ANKFN1: variants seen among roughly 807,000 people sequenced by gnomAD.
ANKFN1 encodes the protein ankyrin repeat and fibronectin type-III domain-containing protein 1.
Under a neutral mutation model 108.7 loss-of-function variants are expected in ANKFN1, and 74 were observed. The ratio of observed to expected loss-of-function variants is 0.68; its 90% CI spans 0.56 to 0.83. The LOEUF (loss-of-function observed/expected upper bound fraction) is 0.83, where lower values mean the gene tolerates loss of function less well. ANKFN1 is among the 40% of genes least tolerant of loss of function. The pLI is 0.00. For missense variants in ANKFN1, 1,505 were observed against 1,382.3 expected (o/e 1.09, Z -1.41); for synonymous variants, 547 against 516.2 (o/e 1.06, Z -0.81).
intron 16 of ANKFN1, among the ~76,000 whole-genome samples, chr17:56,480,168 T>C (rs562385942): frequency 6.6e-6 from 1 of 152,338 alleles, no homozygotes; most frequent in South Asian, 2.1e-4. Context: ...TTTGTGATTC[T>C]CCTCAAGCTT....
rs538155358 is a variant in ANKFN1 at position 56,146,615 on chromosome 17, C to T, written c.289-81302C>T. On this transcript the variant is annotated intron_variant, in intron 4 of 12. Coordinates refer to the ANKFN1 transcript ENST00000635860. ...GGGTTTGCACCCCCTGAAGCAATGG[C>T]CTGAGCTGTGCATTGGCCCCTTTTA... 7.7e-4 allele frequency among the ~76,000 whole-genome samples: 118 copies of T among 152,320 alleles called. No homozygotes were observed. In the South Asian group the frequency reaches 0.023, roughly 30 times the overall value.
At chr17:56,467,057 A>G (rs1211556884) in intron 15 of ANKFN1, among the ~76,000 whole-genome samples, 2 of 152,152 alleles carry the variant, frequency 1.3e-5, no homozygotes, top group Non-Finnish European at 2.9e-5. Flanking sequence ...GGCGGGTTGC[A>G]GTGAGCCAAG....
intron 8 of ANKFN1, among the ~76,000 whole-genome samples, chr17:56,432,969 C>A (rs962082848): frequency 7.9e-5 from 12 of 152,034 alleles, no homozygotes; most frequent in Non-Finnish European, 1.5e-4. Flanking sequence ...TGCTTAACAA[C>A]TGATACCCTG....
At chr17:56,458,903 C>G (rs1251918025) in intron 14 of ANKFN1, among the ~76,000 whole-genome samples, 2 of 152,182 alleles carry the variant, frequency 1.3e-5, no homozygotes, top group Non-Finnish European at 2.9e-5. Context: ...CTTTGCCCCC[C>G]ACCTACAATT....
At chr17:56,227,832 A>G in intron 2 of ANKFN1, 85 bp from the exon 3 acceptor site, 2 of 1,027,190 alleles carry the variant, frequency 1.9e-6, no homozygotes, top group South Asian at 1.5e-5. Flanking sequence ...TTTTTCAATC[A>G]GTGGCTTCAA....
In ANKFN1 at chr17:56,122,177, G is replaced by A. The variant is rs1906663743; in HGVS notation, c.288+75852G>A. Among the ~76,000 whole-genome samples the A allele has an allele frequency of 2.0e-5, 3 of 152,284 alleles. No individual in the cohort carries two copies. The South Asian group carries it at 6.2e-4, about 32-fold the overall frequency. ...TCAGAAATACTACCAACAGGAGGAAGATATAGGGAGATATATTCTCAGTAA... is the reference window on the plus strand; with the variant it reads ...TCAGAAATACTACCAACAGGAGGAAAATATAGGGAGATATATTCTCAGTAA... On this transcript the variant is annotated intron_variant, in intron 4 of 12. Transcript: ENST00000635860.
intron 6 of ANKFN1, among the ~76,000 whole-genome samples, chr17:56,370,874 C>T (rs2046791136): frequency 6.6e-6 from 1 of 152,060 alleles, no homozygotes; most frequent in South Asian, 2.1e-4. Flanking sequence ...TCTCACTGCT[C>T]CAGGAAATTG....
chr17:56,269,538 C>T (rs1342050968), intron 3 of ANKFN1, among the ~76,000 whole-genome samples: 1 of 152,220 alleles, frequency 6.6e-6, no homozygotes, highest in Non-Finnish European at 1.5e-5. Flanking sequence ...CTCTCAACTA[C>T]ATGAGGCTTG....
rs1025551291 is a variant in ANKFN1, at chr17:56,516,865, C to G, written c.*5596C>G. On this transcript the variant is annotated 3_prime_UTR_variant, in exon 21 of 21. Transcript: ENST00000682825. The stretch of plus-strand genomic sequence containing the variant: ...AGCATTAATTATACTTTATGTCTTA[C>G]CTAATATTGTTGATATCTAAGTCAA... 1.1e-4 allele frequency among the ~76,000 whole-genome samples: 16 copies of G among 152,042 alleles called. No individual in the cohort carries two copies. Among genetic ancestry groups the G allele is most frequent in the Non-Finnish European group, 1.0e-4 (7 of 68,006 alleles).
At chr17:56,145,399 A>C (rs903162057) in intron 4 of ANKFN1, among the ~76,000 whole-genome samples, 33 of 152,198 alleles carry the variant, frequency 2.2e-4, no homozygotes, top group African/African-American at 7.5e-4. Flanking sequence ...AAGAGGGTTA[A>C]TTGACTCACA....
At chr17:56,110,098 GTTA>G (rs1473373431) in intron 4 of ANKFN1, among the ~76,000 whole-genome samples, 2 of 152,188 alleles carry the variant, frequency 1.3e-5, no homozygotes, top group Non-Finnish European at 2.9e-5. Context: ...GAAGATTCCT[GTTA>G]TTATTTAACA....
intron 4 of ANKFN1, among the ~76,000 whole-genome samples, chr17:56,108,928 C>T (rs541603205): frequency 2.6e-5 from 4 of 152,304 alleles, no homozygotes; most frequent in Admixed American, 1.3e-4. Context: ...CCAAGTGGCT[C>T]TTGGTTAAGG....
chr17:56,391,208 A>AATAC (rs1278357066), intron 8 of ANKFN1, among the ~76,000 whole-genome samples: 1 of 108,204 alleles, frequency 9.2e-6, no homozygotes, highest in Non-Finnish European at 1.7e-5. Context: ...AAGGCCCAAG[A>AATAC]ATACATATAT....
chr17:56,321,802 T>C (rs2045375625), intron 3 of ANKFN1, among the ~76,000 whole-genome samples: 1 of 152,156 alleles, frequency 6.6e-6, no homozygotes, highest in African/African-American at 2.4e-5. Flanking sequence ...GTGAGAATAA[T>C]GAAGCCTAAT....
chr17:56,473,836 G>C (rs1006574006), intron 15 of ANKFN1, among the ~76,000 whole-genome samples: 1 of 151,956 alleles, frequency 6.6e-6, no homozygotes, highest in Non-Finnish European at 1.5e-5. Context: ...TTGAATGAAA[G>C]AGTGAGTTAC....
At chr17:56,495,588 T>G (rs996684738) in intron 19 of ANKFN1, among the ~76,000 whole-genome samples, 1 of 152,108 alleles carries the variant, frequency 6.6e-6, no homozygotes, top group African/African-American at 2.4e-5. Context: ...GGGGGAGGCC[T>G]GGGCCACGGG....
intron 4 of ANKFN1, among the ~76,000 whole-genome samples, chr17:56,084,908 C>CAAT (rs1312048222): frequency 6.6e-6 from 1 of 150,740 alleles, no homozygotes; most frequent in African/African-American, 2.4e-5. Context: ...AATGCAACAG[C>CAAT]AATAAGGTGA....
At chr17:56,478,364 G>T (rs74673058) in intron 16 of ANKFN1, among the ~76,000 whole-genome samples, 1 of 151,778 alleles carries the variant, frequency 6.6e-6, no homozygotes, top group Admixed American at 6.6e-5. Flanking sequence ...TTTAAATATC[G>T]CCTACAGGAA....
At chr17:56,345,739 G>GT (rs1157088738) in intron 4 of ANKFN1, among the ~76,000 whole-genome samples, 5 of 152,006 alleles carry the variant, frequency 3.3e-5, no homozygotes, top group African/African-American at 7.3e-5. Context: ...TGATGGGGTT[G>GT]TTTTTTTCTT....
Sources: gnomAD v4.1 joint callset for allele counts (sites outside exome capture counted in the v4.1 genomes callset) on GRCh38, gnomAD v4.1.1 for gene constraint, MANE v1.5 for transcripts, NCBI Gene and HGNC (gene_info 2026-07-23, HGNC 2026-07-21) for gene names.